Variants in MAP1LC3A observed in about 807,000 individuals in gnomAD.
The protein encoded by MAP1LC3A is microtubule-associated protein 1 light chain 3 alpha.
In MAP1LC3A, 10 loss-of-function variants were observed where a neutral mutation model predicts 15.2. That is an observed-to-expected ratio of 0.66 (90% confidence interval 0.41 to 1.12). The LOEUF is 1.12. Among genes scored for constraint, MAP1LC3A ranks in the 50% most tolerant of loss-of-function variants. The pLI, the probability that MAP1LC3A is intolerant of heterozygous loss-of-function variation, is 0.00. For missense variants in MAP1LC3A, 138 were observed against 167.3 expected (o/e 0.82, Z 0.97); for synonymous variants, 63 against 64.3 (o/e 0.98, Z 0.10).
chr20:34,559,812 C>T lies in MAP1LC3A; in HGVS notation c.280C>T (p.Pro94Ser). 2 of 1,613,916 alleles carry T rather than the reference C, an allele frequency of 1.2e-6. No individual in the cohort carries two copies. Among genetic ancestry groups the T allele is most frequent in the Non-Finnish European group, 8.5e-7 (1 of 1,179,940 alleles). The change falls in exon 4 of 4, where the codon CCC (proline) becomes TCC (serine). Residue 94 changes from proline to serine, a missense_variant. Coordinates refer to ENST00000360668, the MANE Select transcript of MAP1LC3A (RefSeq NM_032514.4). ...NQHSMVSVST[P>S]IADIYEQEKD... ...GCACAGCATGGTGAGTGTGTCCACGCCCATCGCGGACATCTACGAGCAGGA... is the reference window on the plus strand; with the variant it reads ...GCACAGCATGGTGAGTGTGTCCACGTCCATCGCGGACATCTACGAGCAGGA...
chr20:34,553,005 A>G (rs1001202955), intron 2 of MAP1LC3A, among the ~76,000 whole-genome samples: 1 of 152,160 alleles, frequency 6.6e-6, no homozygotes, highest in Non-Finnish European at 1.5e-5. Flanking sequence ...CCTGGCCAAC[A>G]TGGTGAAACC....
chr20:34,557,200 A>C (rs1982193315), upstream of MAP1LC3A, among the ~76,000 whole-genome samples: 1 of 152,182 alleles, frequency 6.6e-6, no homozygotes, highest in Non-Finnish European at 1.5e-5. Context: ...TTAAGAGGTG[A>C]ATGTAAACCA....
At chr20:34,559,110 G>T (rs1206247303) in intron 1 of MAP1LC3A, 98 bp from the exon 2 acceptor site, 3 of 1,364,562 alleles carry the variant, frequency 2.2e-6, no homozygotes, top group Non-Finnish European at 2.9e-6. Flanking sequence ...GGGGGTGGGG[G>T]CTGGAGCTGG....
exon 2 of MAP1LC3A, chr20:34,549,965 C>T: frequency 6.2e-7 from 1 of 1,613,952 alleles, no homozygotes; most frequent in South Asian, 1.1e-5. Flanking sequence ...CTGACACTGT[C>T]TCAGTTTTGC....
Position 34,559,144 on chromosome 20 carries a change from C to T in MAP1LC3A, c.41-64C>T, listed in dbSNP as rs1259077462. 10 of 1,450,080 alleles carry T rather than the reference C, an allele frequency of 6.9e-6. No homozygotes were observed. In the Admixed American group the frequency reaches 1.0e-4, roughly 15 times the overall value. 89.8% of individuals were successfully genotyped at this position (1,450,080 alleles called of 1,614,324 possible). On this transcript the variant is annotated intron_variant, in intron 1 of 3. Transcript: ENST00000360668. ...GGGGCGTGGCCGGGGGCCGCCCCTC[C>T]GGGACAGGCGGGGCGGACCTGGGCC...
chr20:34,550,035 T>A lies in MAP1LC3A; in HGVS notation c.52+6T>A, dbSNP rs189831962. 3.0e-4 allele frequency: 490 copies of A among 1,614,032 alleles called. 2 individuals carry two copies. In the Middle Eastern group the frequency reaches 3.5e-3, roughly 11 times the overall value. ...AAAAGCAGCTGTGGACCCAGGTCTGTCTGGCCCGCCTGCCGTTGTGTGAAG... is the reference window on the plus strand; with the variant it reads ...AAAAGCAGCTGTGGACCCAGGTCTGACTGGCCCGCCTGCCGTTGTGTGAAG... On this transcript the variant is annotated splice_donor_region_variant and intron_variant, in intron 2 of 4. Coordinates refer to the MAP1LC3A transcript ENST00000374837.
chr20:34,553,288 T>G (rs1982015987), intron 2 of MAP1LC3A, among the ~76,000 whole-genome samples: 1 of 152,150 alleles, frequency 6.6e-6, no homozygotes. Context: ...ATGGGTTTGT[T>G]GTGCACAGGT....
intron 1 of MAP1LC3A, chr20:34,549,820 T>C (rs1981879214): frequency 1.6e-6 from 1 of 626,546 alleles, no homozygotes; most frequent in Admixed American, 2.6e-5. Context: ...TCAGCACTTC[T>C]GGTTCAGCCA....
At position 34,559,838 on chromosome 20, in the gene MAP1LC3A, GA is replaced by G. The variant is rs1260116526; in HGVS notation, c.309del (p.Asp104ThrfsTer44). Reference sequence around the variant, plus strand: ...CCATCGCGGACATCTACGAGCAGGAGAAAGACGAGGACGGCTTCCTCTATAT... The same window carrying G: ...CCATCGCGGACATCTACGAGCAGGAGAAGACGAGGACGGCTTCCTCTATAT... Reference protein sequence around the residue: ...TPIADIYEQEKDEDGFLYMVY... With the variant: ...TPIADIYEQEXDEDGFLYMVY... On this transcript the variant is annotated frameshift_variant, in exon 4 of 4. Transcript: ENST00000360668. LOFTEE classifies it high-confidence loss of function. The G allele has an allele frequency of 6.2e-7, 1 of 1,614,074 alleles. No homozygotes were observed. Among genetic ancestry groups the G allele is most frequent in the Non-Finnish European group, 8.5e-7 (1 of 1,180,018 alleles).
At chr20:34,558,075 TCTC>T, upstream of MAP1LC3A, 3 of 985,470 alleles carry the variant, frequency 3.0e-6, no homozygotes, top group Non-Finnish European at 2.4e-6. This position sits in a 1 kb window ranked among gnomAD's most constrained non-coding sequence, Gnocchi z 4.3. Flanking sequence ...GCCCGCGAGT[TCTC>T]CTGGCGTTGC....
chr20:34,554,122 A>G (rs1300801170), upstream of MAP1LC3A, among the ~76,000 whole-genome samples: 1 of 151,992 alleles, frequency 6.6e-6, no homozygotes, highest in African/African-American at 2.4e-5. Context: ...CTTATTACCT[A>G]TCAGGTGTCC....
chr20:34,560,181 T>G lies in MAP1LC3A; in HGVS notation c.*283T>G, dbSNP rs75881564. The G allele has an allele frequency of 6.6e-6, 1 of 151,658 alleles. No homozygotes were observed. The highest frequency in any genetic ancestry group is 1.2e-5 in the Non-Finnish European group (1 of 85,362). The allele number at this position is 151,658 out of a possible 1,614,324, so 9.4% of individuals were successfully genotyped here. On this transcript the variant is annotated 3_prime_UTR_variant, in exon 4 of 4. Transcript: ENST00000360668. ...TTCATCTTTTTTTTAGGCCCCTGCCTGTCTGCCCATCTGCCCCTCACCCAC... is the reference window on the plus strand; with the variant it reads ...TTCATCTTTTTTTTAGGCCCCTGCCGGTCTGCCCATCTGCCCCTCACCCAC...
At chr20:34,556,999 T>C (rs1982186671), upstream of MAP1LC3A, among the ~76,000 whole-genome samples, 2 of 152,232 alleles carry the variant, frequency 1.3e-5, no homozygotes, top group South Asian at 4.1e-4. Flanking sequence ...TTGATCCTCT[T>C]ATCCCCAGTG....
intron 1 of MAP1LC3A, among the ~76,000 whole-genome samples, chr20:34,547,408 G>A (rs1291797562): frequency 6.8e-6 from 1 of 147,132 alleles, no homozygotes; most frequent in African/African-American, 2.5e-5. Flanking sequence ...TTCCCCAACC[G>A]CTCCCCACCT....
chr20:34,556,599 CTTTT>C (rs765589689), upstream of MAP1LC3A, among the ~76,000 whole-genome samples: 1 of 140,072 alleles, frequency 7.1e-6, no homozygotes, highest in Non-Finnish European at 1.6e-5. Context: ...TTTTCAGCCT[CTTTT>C]TTTTTTTTTT....
At chr20:34,555,137 G>A (rs1190797033), upstream of MAP1LC3A, among the ~76,000 whole-genome samples, 1 of 150,236 alleles carries the variant, frequency 6.7e-6, no homozygotes, top group Non-Finnish European at 1.5e-5. Flanking sequence ...CAAAGCCAGC[G>A]AATTTTCTTA....
chr20:34,559,690 C>A (rs929630485), intron 3 of MAP1LC3A, 46 bp from the exon 4 acceptor site: 2 of 1,561,622 alleles, frequency 1.3e-6, no homozygotes, highest in Non-Finnish European at 8.7e-7. Context: ...TATGTCCGTC[C>A]CGCAGCCAAG....
chr20:34,556,753 C>T (rs879370181), upstream of MAP1LC3A, among the ~76,000 whole-genome samples: 3 of 152,164 alleles, frequency 2.0e-5, no homozygotes, highest in Admixed American at 6.5e-5. Flanking sequence ...TGCACCACCA[C>T]GCCCAGCTAG....
chr20:34,553,075 G>A (rs1419665144), intron 2 of MAP1LC3A, among the ~76,000 whole-genome samples: 9 of 152,170 alleles, frequency 5.9e-5, no homozygotes. Context: ...TGTAATCCCA[G>A]CCACTCGGGA....
Sources: gnomAD v4.1 joint callset for allele counts (sites outside exome capture counted in the v4.1 genomes callset) on GRCh38, gnomAD v4.1.1 for gene constraint, Gnocchi (gnomAD v3.1) non-coding constraint, MANE v1.5 for transcripts, NCBI Gene and HGNC (gene_info 2026-07-23, HGNC 2026-07-21) for gene names.